VRK2: variants seen among roughly 807,000 people sequenced by gnomAD.
VRK2 encodes the protein serine/threonine-protein kinase VRK2.
Under a neutral mutation model 57.6 loss-of-function variants are expected in VRK2, and 60 were observed. The ratio of observed to expected loss-of-function variants is 1.04; its 90% CI spans 0.85 to 1.29. The LOEUF is 1.29. VRK2 is among the 50% of genes most tolerant of loss of function. The pLI, the probability that VRK2 is intolerant of heterozygous loss-of-function variation, is 0.00. For missense variants in VRK2, 705 were observed against 588.1 expected (o/e 1.20, Z -2.06); for synonymous variants, 231 against 199.2 (o/e 1.16, Z -1.35).
At chr2:58,132,412 A>T (rs1679347336) in intron 9 of VRK2, among the ~76,000 whole-genome samples, 1 of 152,246 alleles carries the variant, frequency 6.6e-6, no homozygotes, top group Admixed American at 6.5e-5. Flanking sequence ...AAATTTTTAC[A>T]TGAGCTATTT....
rs1388228119 is a variant in VRK2, at chr2:57,933,312, T to TC, written c.-439+25473_-439+25474insC. Among the ~76,000 whole-genome samples the TC allele has an allele frequency of 3.1e-5, 4 of 127,488 alleles. 1 individual carries two copies. Among genetic ancestry groups the TC allele is most frequent in the East Asian group, 4.2e-4 (2 of 4,712 alleles). The allele number at this position is 127,488 out of a possible 152,430, so 83.6% of individuals were successfully genotyped here. ...TATTTCTTATTTCTTTCTTTTTCTTTTTTTTTTTTTTTTTTTTTTGAGGCA... is the reference window on the plus strand; with the variant it reads ...TATTTCTTATTTCTTTCTTTTTCTTTCTTTTTTTTTTTTTTTTTTTGAGGCA... On this transcript the variant is annotated intron_variant, in intron 1 of 15. Coordinates refer to the VRK2 transcript ENST00000417641.
At chr2:58,076,822 T>C (rs1021232251) in intron 2 of VRK2, among the ~76,000 whole-genome samples, 1 of 151,968 alleles carries the variant, frequency 6.6e-6, no homozygotes, top group Non-Finnish European at 1.5e-5. Context: ...CCTATTTTGT[T>C]TGTTTTTATA....
chr2:57,926,108 C>CT (rs1227560305), intron 1 of VRK2, among the ~76,000 whole-genome samples: 2 of 151,452 alleles, frequency 1.3e-5, no homozygotes, highest in East Asian at 1.9e-4. Context: ...GATATAATTT[C>CT]TTTTTTTTAT....
chr2:57,970,058 A>G (rs1030760327), intron 1 of VRK2, among the ~76,000 whole-genome samples: 76 of 151,528 alleles, frequency 5.0e-4, no homozygotes, highest in African/African-American at 1.6e-3. Context: ...AAGATGGAGT[A>G]TTACAAATGA....
intron 2 of VRK2, among the ~76,000 whole-genome samples, chr2:58,031,749 C>T (rs1409362148): frequency 6.6e-6 from 1 of 152,036 alleles, no homozygotes; most frequent in Non-Finnish European, 1.5e-5. Context: ...CTCTGGATTG[C>T]TGCTTTTTCA....
At chr2:57,950,095 A>T (rs1447662168) in intron 1 of VRK2, among the ~76,000 whole-genome samples, 1 of 152,268 alleles carries the variant, frequency 6.6e-6, no homozygotes. Context: ...TCTCTATAAC[A>T]TAAAAGTGCA....
At chr2:58,134,993 C>T in intron 9 of VRK2, 148 bp from the exon 10 acceptor site, 1 of 730,130 alleles carries the variant, frequency 1.4e-6, no homozygotes, top group South Asian at 1.9e-5. Context: ...TGCTTACTTT[C>T]CTATCCATTA....
At chr2:57,957,098 A>G (rs1266578426) in intron 1 of VRK2, among the ~76,000 whole-genome samples, 1 of 152,138 alleles carries the variant, frequency 6.6e-6, no homozygotes, top group Non-Finnish European at 1.5e-5. Context: ...AGCTTTATTG[A>G]TGGTCTTTAA....
chr2:57,969,784 A>C (rs184395994), intron 1 of VRK2, among the ~76,000 whole-genome samples: 1 of 152,152 alleles, frequency 6.6e-6, no homozygotes, highest in African/African-American at 2.4e-5. Flanking sequence ...ATGCTTAAGC[A>C]GCTTAAGAAA....
At chr2:58,120,583 A>G (rs945645822) in intron 7 of VRK2, among the ~76,000 whole-genome samples, 12 of 152,288 alleles carry the variant, frequency 7.9e-5, no homozygotes, top group Admixed American at 2.0e-4. Context: ...CTTAGTGATG[A>G]CAAAGACAGC....
intron 2 of VRK2, among the ~76,000 whole-genome samples, chr2:58,028,582 T>C (rs1674005859): frequency 6.6e-6 from 1 of 151,976 alleles, no homozygotes; most frequent in Non-Finnish European, 1.5e-5. Flanking sequence ...TCATGTTCTT[T>C]GTAGGGACAT....
chr2:58,107,815 C>T (rs1423154768), intron 7 of VRK2, among the ~76,000 whole-genome samples: 1 of 152,120 alleles, frequency 6.6e-6, no homozygotes, highest in Non-Finnish European at 1.5e-5. Context: ...CTTTCTCTGC[C>T]AGCTCCAAAT....
intron 1 of VRK2, among the ~76,000 whole-genome samples, chr2:57,990,272 A>T (rs1672722525): frequency 6.6e-6 from 1 of 152,140 alleles, no homozygotes; most frequent in African/African-American, 2.4e-5. Context: ...GCTTATCTTG[A>T]TTTCTTCGTG....
intron 2 of VRK2, among the ~76,000 whole-genome samples, chr2:58,027,441 C>T (rs1054931448): frequency 2.6e-5 from 4 of 151,970 alleles, no homozygotes; most frequent in Non-Finnish European, 5.9e-5. Context: ...TGAATATATA[C>T]CTATAGGAGC....
At chr2:58,082,814 A>T (rs979610081) in intron 2 of VRK2, among the ~76,000 whole-genome samples, 1 of 151,888 alleles carries the variant, frequency 6.6e-6, no homozygotes, top group East Asian at 1.9e-4. Flanking sequence ...ATTAGCTAGA[A>T]CTGAAATAAT....
At chr2:57,910,338 C>T (rs1220066761) in intron 1 of VRK2, among the ~76,000 whole-genome samples, 1 of 152,054 alleles carries the variant, frequency 6.6e-6, no homozygotes, top group African/African-American at 2.4e-5. Flanking sequence ...CCCTATTGTA[C>T]TCTTCCCTGG....
chr2:58,082,479 G>A (rs1336736174), intron 2 of VRK2, among the ~76,000 whole-genome samples: 1 of 151,812 alleles, frequency 6.6e-6, no homozygotes, highest in Non-Finnish European at 1.5e-5. Context: ...ACTGTTTTAT[G>A]TGGGCCAAGG....
chr2:57,923,753 T>G (rs1369187801), intron 1 of VRK2, among the ~76,000 whole-genome samples: 4 of 152,090 alleles, frequency 2.6e-5, no homozygotes, highest in East Asian at 1.9e-4. Context: ...TTTATCCCCT[T>G]TTGCTTTGGT....
chr2:58,139,224 A>C (rs760825734), intron 10 of VRK2, among the ~76,000 whole-genome samples: 19 of 152,136 alleles, frequency 1.2e-4, no homozygotes, highest in Non-Finnish European at 2.4e-4. Context: ...CAAAGCCTTA[A>C]TTAAAATTTG....
Sources: allele counts gnomAD v4.1 joint callset (sites outside exome capture counted in the v4.1 genomes callset), GRCh38; gene constraint gnomAD v4.1.1; transcripts MANE v1.5; gene names NCBI Gene and HGNC (gene_info 2026-07-23, HGNC 2026-07-21).